Variants in HLCS observed in about 807,000 individuals in gnomAD.
HLCS encodes the protein biotin--protein ligase.
Under a neutral mutation model 75.0 loss-of-function variants are expected in HLCS, and 53 were observed. That is an observed-to-expected ratio of 0.71 (90% CI 0.57 to 0.89). The LOEUF (loss-of-function observed/expected upper bound fraction) is 0.89. HLCS is among the 40% of genes least tolerant of loss of function. The pLI is 0.00. For synonymous variants in HLCS, 431 were observed against 428.6 expected, an observed-to-expected ratio of 1.01 and a Z score of -0.07; for missense variants, 966 against 1,074.0, an observed-to-expected ratio of 0.90 and a Z score of 1.41.
rs1255729439 is a variant in HLCS, at chr21:36,872,377, C to A, written c.1892+24483G>T. ...GTGCACTCCAGCCTGGGTGACAGAG[C>A]GAGCCTCTGTCTCAAAAAAAAAAAA... On this transcript the variant is annotated intron_variant, in intron 6 of 10. Coordinates refer to ENST00000674895, the MANE Select transcript of HLCS (RefSeq NM_001352514.2). Among the ~76,000 whole-genome samples the A allele has an allele frequency of 5.4e-5, 8 of 147,178 alleles. 1 individual carries two copies. Among genetic ancestry groups the A allele is most frequent in the African/African-American group, 2.1e-4 (8 of 38,472 alleles).
chr21:36,763,275 G>T (rs1156688057), intron 8 of HLCS, among the ~76,000 whole-genome samples: 1 of 152,030 alleles, frequency 6.6e-6, no homozygotes, highest in Non-Finnish European at 1.5e-5. Context: ...CTCCCAAAGT[G>T]CTGGGATTAC....
chr21:36,937,847 TTCTTCCCAGTA>T, intron 3 of HLCS, among the ~76,000 whole-genome samples: 1 of 152,358 alleles, frequency 6.6e-6, no homozygotes, highest in South Asian at 2.1e-4. Flanking sequence ...TGGGAGAAGA[TTCTTCCCAGTA>T]TCTTGTCTCA....
chr21:36,848,980 A>G (rs2062891848), intron 6 of HLCS, among the ~76,000 whole-genome samples: 1 of 152,250 alleles, frequency 6.6e-6, no homozygotes, highest in African/African-American at 2.4e-5. Flanking sequence ...GAGAAAATGG[A>G]GATGGCGAAG....
chr21:36,925,893 G>A (rs1478092885), intron 5 of HLCS, among the ~76,000 whole-genome samples: 1 of 152,234 alleles, frequency 6.6e-6, no homozygotes, highest in Non-Finnish European at 1.5e-5. Flanking sequence ...CTATTAAAAT[G>A]TTTCTATAAA....
chr21:36,851,111 G>A (rs1054593430), intron 6 of HLCS, among the ~76,000 whole-genome samples: 4 of 152,178 alleles, frequency 2.6e-5, no homozygotes, highest in African/African-American at 9.7e-5. Flanking sequence ...GAGAGAGAAA[G>A]ATATTAGGTT....
chr21:36,955,603 T>A (rs959310022), intron 2 of HLCS, among the ~76,000 whole-genome samples: 13 of 152,134 alleles, frequency 8.5e-5, no homozygotes, highest in African/African-American at 2.9e-4. Flanking sequence ...TCAAAAATTT[T>A]AAAAAATCAA....
intron 6 of HLCS, among the ~76,000 whole-genome samples, chr21:36,801,221 C>T (rs2061190121): frequency 6.6e-6 from 1 of 152,136 alleles, no homozygotes; most frequent in Admixed American, 6.5e-5. Flanking sequence ...TCATTCGTGC[C>T]AGCCAAAACA....
At chr21:36,850,658 G>A (rs949858382) in intron 6 of HLCS, among the ~76,000 whole-genome samples, 2 of 152,206 alleles carry the variant, frequency 1.3e-5, no homozygotes, top group Non-Finnish European at 2.9e-5. Flanking sequence ...CGAAGGGAGA[G>A]GTGTCCCCAG....
intron 6 of HLCS, among the ~76,000 whole-genome samples, chr21:36,833,483 G>C (rs1332012463): frequency 5.3e-5 from 8 of 151,644 alleles, no homozygotes; most frequent in African/African-American, 1.9e-4. Flanking sequence ...TACTCGGGAA[G>C]CTGAAGCAGG....
At chr21:36,937,481 C>T in intron 3 of HLCS, 89 bp from the exon 4 acceptor site, 1 of 1,176,702 alleles carries the variant, frequency 8.5e-7, no homozygotes, top group Non-Finnish European at 1.2e-6. Flanking sequence ...ATCACCCTCT[C>T]TGCATTCTGG....
chr21:36,827,401 T>C (rs1176610929), intron 6 of HLCS, among the ~76,000 whole-genome samples: 1 of 151,488 alleles, frequency 6.6e-6, no homozygotes, highest in Non-Finnish European at 1.5e-5. Context: ...AAACCCCGTC[T>C]CTACTAAAAA....
chr21:36,872,443 T>C (rs1039884103), intron 6 of HLCS, among the ~76,000 whole-genome samples: 1 of 152,122 alleles, frequency 6.6e-6, no homozygotes, highest in African/African-American at 2.4e-5. Flanking sequence ...TTCAATATTT[T>C]AGTTTTTATG....
chr21:36,765,347 C>T (rs1221564044), intron 7 of HLCS, among the ~76,000 whole-genome samples, 175 bp from the exon 8 acceptor site: 1 of 152,116 alleles, frequency 6.6e-6, no homozygotes, highest in Non-Finnish European at 1.5e-5. Flanking sequence ...AAATCTGAAG[C>T]TCTGTTGCTG....
Position 36,819,551 on chromosome 21 carries a change from T to C in HLCS, c.1893-52266A>G, listed in dbSNP as rs146553050. On this transcript the variant is annotated intron_variant, in intron 6 of 10. Transcript: ENST00000674895. ...GTCTAAACTCTGCTATATCTGAACA[T>C]TGTAATAATCAAGCTATGATACGGA... is the stretch of plus-strand genomic sequence containing the variant. Among the ~76,000 whole-genome samples, 1,410 of 152,324 alleles carry C rather than the reference T, an allele frequency of 9.3e-3. 13 individuals are homozygous for C. The highest frequency in any genetic ancestry group is 0.032 in the African/African-American group (1,331 of 41,560).
chr21:36,944,211 G>C (rs2067276786), intron 2 of HLCS: 1 of 152,202 alleles, frequency 6.6e-6, no homozygotes, highest in Non-Finnish European at 1.5e-5. Context: ...AAACAAACTT[G>C]AGATATGCAC....
intron 6 of HLCS, among the ~76,000 whole-genome samples, chr21:36,883,384 A>G (rs923261096): frequency 6.6e-6 from 1 of 152,236 alleles, no homozygotes; most frequent in East Asian, 1.9e-4. Context: ...TAACTGGCAC[A>G]TTTATTTTAA....
chr21:36,938,837 A>G lies in HLCS; in HGVS notation c.488T>C (p.Ile163Thr), dbSNP rs756540018. The change falls in exon 3 of 11, where the codon ATT becomes ACT. Residue 163 changes from isoleucine (I) to threonine (T), a missense_variant. Physicochemically the swap from Ile to Thr is moderately conservative, Grantham distance 89. Coordinates refer to ENST00000674895, the MANE Select transcript of HLCS (RefSeq NM_001352514.2). ...CATTTTCTAAAGTTACTTACACACA[A>G]TCTTTTGGGGTACCAGTCCATTATC... is the stretch of plus-strand genomic sequence containing the variant. ...HMDNGLVPQK[I>T]VSVHLQDSTL... The G allele has an allele frequency of 5.0e-6, 8 of 1,614,008 alleles. No homozygotes were observed. The highest frequency in any genetic ancestry group is 1.1e-5 in the South Asian group (1 of 91,080).
intron 6 of HLCS, among the ~76,000 whole-genome samples, chr21:36,831,337 T>C (rs2146049430): frequency 6.6e-6 from 1 of 152,274 alleles, no homozygotes; most frequent in Non-Finnish European, 1.5e-5. Context: ...TAGAAATCTT[T>C]GAGGGTAGCC....
upstream of HLCS, among the ~76,000 whole-genome samples, chr21:36,970,366 G>C (rs540162595): frequency 3.9e-5 from 6 of 152,176 alleles, no homozygotes; most frequent in African/African-American, 1.4e-4. Flanking sequence ...CCAAAGTGTT[G>C]GGATTACAGG....
Sources: allele counts gnomAD v4.1 joint callset (sites outside exome capture counted in the v4.1 genomes callset), GRCh38; gene constraint gnomAD v4.1.1; transcripts MANE v1.5; gene names NCBI Gene and HGNC (gene_info 2026-07-23, HGNC 2026-07-21).